Variants in MPP7 observed in about 807,000 individuals in gnomAD.
MPP7 encodes the protein MAGUK p55 scaffold protein 7.
A neutral mutation model predicts 76.5 loss-of-function variants in MPP7; 60 were observed. The observed-to-expected ratio is 0.78, with a 90% CI of 0.64 to 0.97. MPP7 has a LOEUF of 0.97. Among genes scored for constraint, MPP7 ranks in the 50% least tolerant of loss-of-function variants. MPP7 has a pLI of 0.00. For synonymous variants in MPP7, 237 were observed against 244.5 expected (o/e 0.97, Z 0.29); for missense variants, 641 against 694.0 (o/e 0.92, Z 0.86).
At chr10:28,183,641 G>T (rs772007003) in intron 3 of MPP7, among the ~76,000 whole-genome samples, 56 of 152,100 alleles carry the variant, frequency 3.7e-4, no homozygotes, top group Non-Finnish European at 5.3e-4. Flanking sequence ...TAAAGAATTA[G>T]CTGGGCACAG....
intron 11 of MPP7, among the ~76,000 whole-genome samples, chr10:28,099,261 TAACTC>T (rs1212420758): frequency 6.6e-6 from 1 of 152,194 alleles, no homozygotes; most frequent in African/African-American, 2.4e-5. Context: ...GGCTTTCTGT[TAACTC>T]AAAGAAAATC....
At chr10:28,204,581 T>A (rs898302667) in intron 2 of MPP7, among the ~76,000 whole-genome samples, 20 of 152,142 alleles carry the variant, frequency 1.3e-4, no homozygotes, top group Admixed American at 8.5e-4. Context: ...AAGACTCTAT[T>A]ATAATTATGC....
intron 12 of MPP7, among the ~76,000 whole-genome samples, chr10:28,081,980 G>A (rs938965224): frequency 6.6e-6 from 1 of 152,076 alleles, no homozygotes. Flanking sequence ...TTGAATTCCT[G>A]ACCTCAGGTG....
intron 1 of MPP7, among the ~76,000 whole-genome samples, chr10:28,244,678 A>T (rs1264737984): frequency 2.0e-5 from 3 of 152,200 alleles, no homozygotes; most frequent in African/African-American, 7.2e-5. Flanking sequence ...TAAAGACTTC[A>T]GAAAGGAAAC....
intron 5 of MPP7, among the ~76,000 whole-genome samples, chr10:28,138,528 A>T (rs1835417254): frequency 6.6e-6 from 1 of 152,194 alleles, no homozygotes; most frequent in South Asian, 2.1e-4. Context: ...GACTAATAAG[A>T]ATAATCTATT....
intron 6 of MPP7, among the ~76,000 whole-genome samples, chr10:28,126,703 C>T (rs991266739): frequency 2.6e-5 from 4 of 152,152 alleles, no homozygotes; most frequent in African/African-American, 9.7e-5. Flanking sequence ...TTCCTTCCCT[C>T]CTTGTATGTG....
At chr10:28,178,741 A>G (rs1208938437) in intron 3 of MPP7, among the ~76,000 whole-genome samples, 1 of 152,166 alleles carries the variant, frequency 6.6e-6, no homozygotes. Context: ...TGAAAAGTTC[A>G]TGGAACACAG....
intron 2 of MPP7, among the ~76,000 whole-genome samples, chr10:28,206,408 TAATTA>T (rs1837950971): frequency 6.6e-6 from 1 of 151,312 alleles, no homozygotes; most frequent in East Asian, 1.9e-4. Context: ...AATACATACC[TAATTA>T]ATTATTAACA....
intron 2 of MPP7, among the ~76,000 whole-genome samples, chr10:28,320,901 C>T (rs1396915415): frequency 2.0e-5 from 3 of 151,720 alleles, no homozygotes; most frequent in South Asian, 2.1e-4. Context: ...TGACGAGGTT[C>T]ATCTTCTTAA....
chr10:28,300,949 GAA>G (rs71523600), intron 1 of MPP7, among the ~76,000 whole-genome samples: 1,529 of 108,564 alleles, frequency 0.014, 32 homozygotes, highest in East Asian at 0.079. Context: ...CTCCACCTCA[GAA>G]AAAAAAAAAA....
intron 3 of MPP7, among the ~76,000 whole-genome samples, chr10:28,161,190 T>G (rs1053660302): frequency 6.6e-6 from 1 of 152,194 alleles, no homozygotes; most frequent in African/African-American, 2.4e-5. Context: ...TCATTTACTT[T>G]CATGCACATT....
At chr10:28,199,183 C>T (rs574934526) in intron 3 of MPP7, among the ~76,000 whole-genome samples, 64 of 152,184 alleles carry the variant, frequency 4.2e-4, no homozygotes, top group Admixed American at 1.6e-3. Context: ...CCACCCCCCA[C>T]GATTCGATTA....
At chr10:28,223,286 T>C (rs1194777095) in intron 2 of MPP7, among the ~76,000 whole-genome samples, 5 of 152,216 alleles carry the variant, frequency 3.3e-5, no homozygotes, top group African/African-American at 1.2e-4. Flanking sequence ...TTTTCCACAC[T>C]AATCACTGAG....
intron 3 of MPP7, among the ~76,000 whole-genome samples, chr10:28,151,077 G>A (rs2133779126): frequency 6.6e-6 from 1 of 152,286 alleles, no homozygotes. Flanking sequence ...CAGGTATCAA[G>A]TAATACACTC....
chr10:28,273,674 C>T (rs924114677), intron 1 of MPP7, among the ~76,000 whole-genome samples: 1 of 152,200 alleles, frequency 6.6e-6, no homozygotes, highest in Non-Finnish European at 1.5e-5. Flanking sequence ...ATCAAGAGGA[C>T]TATCACAAAA....
At chr10:28,065,328 G>A (rs1474619099) in intron 13 of MPP7, among the ~76,000 whole-genome samples, 1 of 152,110 alleles carries the variant, frequency 6.6e-6, no homozygotes, top group Non-Finnish European at 1.5e-5. Context: ...ACTGCCACAT[G>A]CATTTAAAAG....
intron 2 of MPP7, among the ~76,000 whole-genome samples, chr10:28,205,700 C>T (rs558927799): frequency 1.2e-4 from 18 of 152,198 alleles, no homozygotes; most frequent in African/African-American, 3.1e-4. Flanking sequence ...TAGAGTGCTG[C>T]GGCAATGGCA....
chr10:28,190,198 G>A (rs1315104018), intron 3 of MPP7, among the ~76,000 whole-genome samples: 1 of 151,982 alleles, frequency 6.6e-6, no homozygotes, highest in Non-Finnish European at 1.5e-5. Context: ...AAACTACAGA[G>A]AAATGCATGA....
In MPP7 at chr10:28,288,504, G is replaced by A. The variant is rs1046566541; in HGVS notation, c.-132+14357C>T. On this transcript the variant is annotated intron_variant, in intron 1 of 16. Transcript: ENST00000683449. ...GATCGTCCCACCTCGGCCTCCCAAA[G>A]TGCTGGGATTGCAGGAATGAGCCAC... Among the ~76,000 whole-genome samples, 11 of 152,112 alleles carry A rather than the reference G, an allele frequency of 7.2e-5. 2 individuals carry two copies. Among genetic ancestry groups the A allele is most frequent in the Admixed American group, 6.6e-4 (10 of 15,266 alleles).
Sources: allele counts gnomAD v4.1 joint callset (sites outside exome capture counted in the v4.1 genomes callset), GRCh38; gene constraint gnomAD v4.1.1; transcripts MANE v1.5; gene names NCBI Gene and HGNC (gene_info 2026-07-23, HGNC 2026-07-21).